Variants in ILRUN observed in about 807,000 individuals in gnomAD.
ILRUN encodes the protein inflammation and lipid regulator with UBA-like and NBR1-like domains, also known as protein ILRUN.
Under a neutral mutation model 33.8 loss-of-function variants are expected in ILRUN, and 3 were observed. That is an observed-to-expected ratio of 0.09 (90% CI 0.04 to 0.23). The LOEUF (loss-of-function observed/expected upper bound fraction) is 0.23, where lower values mean the gene tolerates loss of function less well. Among genes scored for constraint, ILRUN ranks in the 10% least tolerant of loss-of-function variants. The pLI, the probability that ILRUN is intolerant of heterozygous loss-of-function variation, is 1.00. For missense variants in ILRUN, 210 were observed against 375.1 expected, an observed-to-expected ratio of 0.56 and a Z score of 3.64; for synonymous variants, 124 against 138.9, an observed-to-expected ratio of 0.89 and a Z score of 0.75.
chr6:34,611,467 C>T (rs1301233642), intron 3 of ILRUN, among the ~76,000 whole-genome samples: 1 of 152,188 alleles, frequency 6.6e-6, no homozygotes, highest in Non-Finnish European at 1.5e-5. Context: ...CAAAATACAA[C>T]TTCTACGTGG....
Position 34,646,634 on chromosome 6 carries a change from G to T in ILRUN, c.478C>A (p.Arg160=), listed in dbSNP as rs1762569019. Residue 160 remains arginine (R), a synonymous_variant, in exon 3 of 5, where the codon CGG becomes AGG. Coordinates refer to ENST00000374023, the MANE Select transcript of ILRUN (RefSeq NM_024294.4). The surrounding 1 kb of genome is among the most constrained non-coding windows in gnomAD (Gnocchi z 4.9). ...SRAGMYQGQW[R]MCTATGLYYG... ...TAGAGTCCTGTAGCAGTGCACATCC[G>T]CCACTGTCCCTGATACATTCCTGCT... 6.2e-7 allele frequency: 1 copy of T among 1,613,916 alleles called. No individual in the cohort carries two copies. Among genetic ancestry groups the T allele is most frequent in the African/African-American group, 1.3e-5 (1 of 74,888 alleles).
At chr6:34,601,702 C>T (rs1437809076) in intron 4 of ILRUN, among the ~76,000 whole-genome samples, 1 of 122,714 alleles carries the variant, frequency 8.1e-6, no homozygotes, top group Non-Finnish European at 1.6e-5. Context: ...TCCTCCAGTA[C>T]CCGCCCCCCC....
At chr6:34,642,959 C>T (rs1308760693) in intron 3 of ILRUN, among the ~76,000 whole-genome samples, 1 of 149,802 alleles carries the variant, frequency 6.7e-6, no homozygotes, top group Non-Finnish European at 1.5e-5. Context: ...TTCCACTGCA[C>T]TCCAGCCTGG....
chr6:34,685,556 A>G (rs1763498636), intron 1 of ILRUN: 1 of 152,102 alleles, frequency 6.6e-6, no homozygotes, highest in African/African-American at 2.4e-5. Flanking sequence ...ATAGCACACT[A>G]CAGCCCAGAA....
intron 1 of ILRUN, among the ~76,000 whole-genome samples, chr6:34,675,184 G>A (rs1357424578): frequency 1.3e-5 from 2 of 152,088 alleles, no homozygotes; most frequent in Admixed American, 1.3e-4. Flanking sequence ...AGGAAGCTAA[G>A]GCAGGAGAAT....
intron 1 of ILRUN, among the ~76,000 whole-genome samples, chr6:34,676,426 A>ATAGCTAGC (rs201493558): frequency 6.6e-6 from 1 of 150,450 alleles, no homozygotes; most frequent in African/African-American, 2.5e-5. Context: ...ACAGATAGAT[A>ATAGCTAGC]TAGCTAGCTA....
chr6:34,647,811 C>T (rs1036904430), intron 2 of ILRUN, among the ~76,000 whole-genome samples: 1 of 152,114 alleles, frequency 6.6e-6, no homozygotes, highest in African/African-American at 2.4e-5. Context: ...GATCCGTCTG[C>T]CTCAGCCTCC....
intron 3 of ILRUN, among the ~76,000 whole-genome samples, chr6:34,622,738 T>C (rs1762035746): frequency 6.6e-6 from 1 of 152,218 alleles, no homozygotes; most frequent in South Asian, 2.1e-4. Flanking sequence ...CCAGTAACTC[T>C]ACCTCTAGGT....
At chr6:34,695,270 A>G (rs985806320) in intron 1 of ILRUN, among the ~76,000 whole-genome samples, 5 of 152,176 alleles carry the variant, frequency 3.3e-5, no homozygotes, top group Admixed American at 3.3e-4. Flanking sequence ...AAGATTCCAC[A>G]TGTCAGGAGA....
intron 3 of ILRUN, among the ~76,000 whole-genome samples, chr6:34,624,232 T>C (rs1208189459): frequency 6.6e-6 from 1 of 152,244 alleles, no homozygotes; most frequent in Non-Finnish European, 1.5e-5. Context: ...AAATTTAGAA[T>C]AAGATATTGA....
chr6:34,591,134 TG>T (rs1761285016), intron 4 of ILRUN, among the ~76,000 whole-genome samples: 1 of 152,146 alleles, frequency 6.6e-6, no homozygotes, highest in African/African-American at 2.4e-5. Flanking sequence ...AAAAGCCAGG[TG>T]AGTATTATAA....
At chr6:34,656,129 G>A (rs1204565516) in intron 1 of ILRUN, among the ~76,000 whole-genome samples, 3 of 151,566 alleles carry the variant, frequency 2.0e-5, no homozygotes, top group South Asian at 2.1e-4. Context: ...CCAGCTACTC[G>A]GGAGGCTGAG....
intron 4 of ILRUN, among the ~76,000 whole-genome samples, chr6:34,602,042 G>A (rs1761520373): frequency 6.6e-6 from 1 of 152,152 alleles, no homozygotes; most frequent in South Asian, 2.1e-4. Context: ...AGCATTTGAT[G>A]GAAGTAATAA....
intron 1 of ILRUN, among the ~76,000 whole-genome samples, chr6:34,669,759 A>G (rs1478932018): frequency 6.6e-6 from 1 of 152,182 alleles, no homozygotes; most frequent in East Asian, 1.9e-4. Context: ...AAAATGTGGT[A>G]TATCCATACC....
At chr6:34,689,990 A>C (rs938046408) in intron 1 of ILRUN, among the ~76,000 whole-genome samples, 8 of 152,064 alleles carry the variant, frequency 5.3e-5, no homozygotes, top group Middle Eastern at 3.2e-3. Context: ...GAGGTAGAGA[A>C]ACATTGTCTA....
Position 34,643,874 on chromosome 6 carries a change from G to T in ILRUN, c.511+2727C>A, listed in dbSNP as rs561696810. 1.1e-4 allele frequency among the ~76,000 whole-genome samples: 17 copies of T among 152,158 alleles called. No homozygotes were observed. In the East Asian group the frequency reaches 3.3e-3, roughly 29 times the overall value. On this transcript the variant is annotated intron_variant, in intron 3 of 4. Transcript: ENST00000374023. ...TGAGCCAACTGCCCGGCTAATTTTT[G>T]TATTTTTAGTAGAGACAGGATTCCA... is the stretch of plus-strand genomic sequence containing the variant.
intron 3 of ILRUN, among the ~76,000 whole-genome samples, chr6:34,640,442 G>T (rs949234678): frequency 2.6e-5 from 4 of 152,140 alleles, no homozygotes; most frequent in Admixed American, 1.3e-4. Context: ...GCCGGGCGCG[G>T]TGGCTCATGT....
At position 34,696,689 on chromosome 6, in the gene ILRUN, C is replaced by A. The variant is rs999795098; in HGVS notation, c.-86G>T. On this transcript the variant is annotated 5_prime_UTR_variant, in exon 1 of 5. Transcript: ENST00000374023. ...GGCCCGGGGACCTGGAGGGGGGCCG[C>A]TGCTAGCTAGCTTCGCGACCCCGCT... 8.9e-6 allele frequency: 13 copies of A among 1,466,924 alleles called. No homozygotes were observed. The highest frequency in any genetic ancestry group is 1.8e-4 in the Middle Eastern group (1 of 5,634). 90.9% of individuals were successfully genotyped at this position (1,466,924 alleles called of 1,614,324 possible).
intron 3 of ILRUN, among the ~76,000 whole-genome samples, chr6:34,609,537 A>G (rs1761702035): frequency 6.6e-6 from 1 of 152,114 alleles, no homozygotes; most frequent in Non-Finnish European, 1.5e-5. Context: ...CAACCATAAA[A>G]ACTTAGAGGT....
Sources: allele counts gnomAD v4.1 joint callset (sites outside exome capture counted in the v4.1 genomes callset), GRCh38; gene constraint gnomAD v4.1.1; non-coding constraint Gnocchi (gnomAD v3.1); transcripts MANE v1.5; gene names NCBI Gene and HGNC (gene_info 2026-07-23, HGNC 2026-07-21).